Variants in DZIP3 observed in about 807,000 individuals in gnomAD.
DZIP3 encodes the protein DAZ interacting zinc finger protein 3.
In DZIP3, 118 loss-of-function variants were observed where a neutral mutation model predicts 162.0. The ratio of observed to expected loss-of-function variants is 0.73; its 90% CI spans 0.63 to 0.85. The LOEUF is 0.85. Ranked by LOEUF, DZIP3 falls within the 40% of genes least tolerant of loss-of-function variation. DZIP3 has a pLI of 0.00. For missense variants in DZIP3, 1,331 were observed against 1,407.0 expected, an observed-to-expected ratio of 0.95 and a Z score of 0.86; for synonymous variants, 438 against 458.6, an observed-to-expected ratio of 0.96 and a Z score of 0.57.
Position 108,690,871 on chromosome 3 carries a change from C to T in DZIP3, c.3601C>T (p.Pro1201Ser). 6.2e-7 allele frequency: 1 copy of T among 1,614,132 alleles called. No individual in the cohort carries two copies. The highest frequency in any genetic ancestry group is 1.1e-5 in the South Asian group (1 of 91,080). Residue 1201 changes from proline to serine, a missense_variant, in exon 32 of 33, where the codon CCC becomes TCC. Around this residue, in one of 2 missense-constraint regions of DZIP3, gnomAD observed 53 missense variants for 89.9 expected, o/e 0.59. Coordinates refer to ENST00000361582, the MANE Select transcript of DZIP3 (RefSeq NM_014648.4). ...GCTACCAGAAGAATTCCCTGGTCAC[C>T]CCAGCCGGCAGTTGCCCAAGATCTG... is the stretch of plus-strand genomic sequence containing the variant. ...VLLPEEFPGH[P>S]SRQLPKI is the part of the protein sequence containing the mutation.
intron 24 of DZIP3, among the ~76,000 whole-genome samples, chr3:108,674,997 G>A (rs1391258093): frequency 6.6e-6 from 1 of 151,896 alleles, no homozygotes; most frequent in Non-Finnish European, 1.5e-5. Context: ...CTTGCTAGAA[G>A]AAGAAAGAGT....
chr3:108,654,631 C>CTCT (rs1943028389), intron 19 of DZIP3, among the ~76,000 whole-genome samples: 1 of 152,184 alleles, frequency 6.6e-6, no homozygotes. Context: ...CATAATCCTA[C>CTCT]TAGATTACAT....
intron 2 of DZIP3, among the ~76,000 whole-genome samples, chr3:108,606,756 G>A (rs1224326911): frequency 1.3e-5 from 2 of 152,166 alleles, no homozygotes; most frequent in Non-Finnish European, 2.9e-5. Context: ...GTGAGGGTAA[G>A]TTGGAGTTAC....
Position 108,677,655 on chromosome 3 carries a change from G to T in DZIP3, c.2883+57G>T, listed in dbSNP as rs1944162346. The T allele has an allele frequency of 1.5e-5, 22 of 1,429,232 alleles. No homozygotes were observed. In the South Asian group the frequency reaches 2.5e-4, roughly 16 times the overall value. The allele number at this position is 1,429,232 out of a possible 1,614,324, so 88.5% of individuals were successfully genotyped here. A position where few individuals can be genotyped will look rare whatever the true frequency, so the allele number is the denominator to read the frequency against. On this transcript the variant is annotated intron_variant, in intron 26 of 32. Coordinates refer to ENST00000361582, the MANE Select transcript of DZIP3 (RefSeq NM_014648.4). ...TTTTCATTTTGACAAAATGGTAAGGGCTGTGAAACACTGAATATGCAGTAT... is the reference window on the plus strand; with the variant it reads ...TTTTCATTTTGACAAAATGGTAAGGTCTGTGAAACACTGAATATGCAGTAT...
At chr3:108,652,707 T>A (rs576703841) in intron 18 of DZIP3, among the ~76,000 whole-genome samples, 159 of 152,114 alleles carry the variant, frequency 1.0e-3, no homozygotes, top group Non-Finnish European at 1.4e-3. Flanking sequence ...GCTGCATTCA[T>A]GGTAAATGCC....
chr3:108,689,499 CTG>C (rs1944614593), intron 31 of DZIP3, among the ~76,000 whole-genome samples: 1 of 152,056 alleles, frequency 6.6e-6, no homozygotes, highest in Non-Finnish European at 1.5e-5. Context: ...CTGGCTAACA[CTG>C]TGAAACCCCA....
intron 1 of DZIP3, among the ~76,000 whole-genome samples, chr3:108,593,353 G>A (rs772950460): frequency 3.9e-5 from 6 of 152,280 alleles, no homozygotes; most frequent in South Asian, 2.1e-4. Flanking sequence ...CCAAGGTCAC[G>A]TAGACAGTAG....
intron 17 of DZIP3, among the ~76,000 whole-genome samples, chr3:108,650,413 A>G (rs775445227): frequency 1.3e-5 from 2 of 151,782 alleles, no homozygotes; most frequent in Non-Finnish European, 3.0e-5. Flanking sequence ...CAGACAAGAA[A>G]GCTAAATGAA....
At chr3:108,610,575 C>G (rs145597345) in intron 3 of DZIP3, among the ~76,000 whole-genome samples, 376 of 152,338 alleles carry the variant, frequency 2.5e-3, no homozygotes, top group Non-Finnish European at 3.2e-3. Flanking sequence ...GCAACATAAT[C>G]ATATTCCTAG....
Position 108,688,649 on chromosome 3 carries a change from A to G in DZIP3, c.3327A>G (p.Ser1109=), listed in dbSNP as rs1223738198. 1 of 1,614,144 alleles carries G rather than the reference A, an allele frequency of 6.2e-7. No homozygotes were observed. ...GTGTTTCACCTAGTCATTCTCCATCACAGCCTGATGCTGCCCAGCCCCCAA... is the reference window on the plus strand; with the variant it reads ...GTGTTTCACCTAGTCATTCTCCATCGCAGCCTGATGCTGCCCAGCCCCCAA... ...VNCVSPSHSP[S]QPDAAQPPKP... The change falls in exon 30 of 33, where the codon TCA becomes TCG. Residue 1109 remains serine (S), a synonymous_variant. Coordinates refer to ENST00000361582, the MANE Select transcript of DZIP3 (RefSeq NM_014648.4).
chr3:108,655,731 G>A (rs1943081018), intron 19 of DZIP3, among the ~76,000 whole-genome samples: 2 of 152,182 alleles, frequency 1.3e-5, no homozygotes, highest in Admixed American at 1.3e-4. Flanking sequence ...ACGGGGTCAG[G>A]GAATTCCCTT....
intron 17 of DZIP3, among the ~76,000 whole-genome samples, chr3:108,649,419 C>A (rs1942769342): frequency 6.6e-6 from 1 of 151,816 alleles, no homozygotes; most frequent in Non-Finnish European, 1.5e-5. Context: ...ATACAAACTT[C>A]TTGCGTTGCT....
chr3:108,630,340 G>A (rs761277372), intron 8 of DZIP3, among the ~76,000 whole-genome samples: 1 of 151,926 alleles, frequency 6.6e-6, no homozygotes, highest in African/African-American at 2.4e-5. Flanking sequence ...AAGGCCAAAA[G>A]CATTACTCAA....
In DZIP3 at chr3:108,662,113, TA is replaced by T; in HGVS notation, c.2296-16del. The stretch of plus-strand genomic sequence containing the variant: ...ACTTGAACATAATTATCTGAAATAA[TA>T]TTTTTTATTGATCAGGATTTCAAAA... On this transcript the variant is annotated splice_polypyrimidine_tract_variant and intron_variant, in intron 20 of 32. Transcript: ENST00000361582. The T allele has an allele frequency of 6.3e-7, 1 of 1,579,796 alleles. No individual in the cohort carries two copies. The highest frequency in any genetic ancestry group is 8.6e-7 in the Non-Finnish European group (1 of 1,168,778).
At chr3:108,662,005 T>A in intron 20 of DZIP3, 33 bp downstream of exon 20, 1 of 1,599,226 alleles carries the variant, frequency 6.3e-7, no homozygotes, top group Non-Finnish European at 8.5e-7. Context: ...CTGATGGAAG[T>A]GAGAAGTATT....
intron 5 of DZIP3, among the ~76,000 whole-genome samples, chr3:108,622,476 C>T (rs1941397342): frequency 6.6e-6 from 1 of 152,008 alleles, no homozygotes; most frequent in African/African-American, 2.4e-5. Context: ...CAACTGGTGC[C>T]TTTTTTGGTT....
intron 20 of DZIP3, 47 bp from the exon 21 acceptor site, chr3:108,662,083 T>G: frequency 6.4e-7 from 1 of 1,570,194 alleles, no homozygotes; most frequent in Non-Finnish European, 8.6e-7. Flanking sequence ...TTTCAATTTC[T>G]GGTGACTTGA....
intron 4 of DZIP3, among the ~76,000 whole-genome samples, chr3:108,614,217 A>G (rs940785502): frequency 2.0e-5 from 3 of 152,338 alleles, no homozygotes; most frequent in East Asian, 3.9e-4. Flanking sequence ...AAATTGACAA[A>G]TGCGTAATAA....
chr3:108,611,983 A>G (rs903950245), intron 4 of DZIP3, among the ~76,000 whole-genome samples: 1 of 151,738 alleles, frequency 6.6e-6, no homozygotes, highest in Admixed American at 6.6e-5. Flanking sequence ...AAAAGTTGAC[A>G]CATTTGTCAA....
Sources: allele counts gnomAD v4.1 joint callset (sites outside exome capture counted in the v4.1 genomes callset), GRCh38; gene constraint gnomAD v4.1.1; regional missense constraint gnomAD v4.1.1; transcripts MANE v1.5; gene names NCBI Gene and HGNC (gene_info 2026-07-23, HGNC 2026-07-21).